The following SELENON variants were observed in gnomAD, a reference collection of about 807,000 sequenced individuals.
The protein encoded by SELENON is selenoprotein N, 1.
Under a neutral mutation model 59.5 loss-of-function variants are expected in SELENON, and 44 were observed. The ratio of observed to expected loss-of-function variants is 0.74; its 90% confidence interval spans 0.58 to 0.95. The LOEUF (loss-of-function observed/expected upper bound fraction) is 0.95, where lower values mean the gene tolerates loss of function less well. Ranked by LOEUF, SELENON falls within the 40% of genes least tolerant of loss-of-function variation. SELENON has a pLI of 0.00. For missense variants in SELENON, 674 were observed against 721.4 expected (o/e 0.93, Z 0.75); for synonymous variants, 320 against 305.6 (o/e 1.05, Z -0.49).
chr1:25,808,674 C>T lies in SELENON; in HGVS notation c.632C>T (p.Pro211Leu), dbSNP rs762788608. ...ACCCGCCACTTCCAGCCCTTCCTTCCCCCGCCAGGCCAGGAGCTGGGTGAG... is the reference window on the plus strand; with the variant it reads ...ACCCGCCACTTCCAGCCCTTCCTTCTCCCGCCAGGCCAGGAGCTGGGTGAG... The change falls in exon 5 of 13, where the codon CCC becomes CTC. Residue 211 changes from proline (P) to leucine (L), a missense_variant. Coordinates refer to ENST00000361547, the MANE Select transcript of SELENON (RefSeq NM_020451.3). 3.1e-6 allele frequency: 5 copies of T among 1,614,032 alleles called. No homozygotes were observed. The African/African-American group carries it at 6.7e-5, about 22-fold the overall frequency.
At chr1:25,811,993 C>A in intron 9 of SELENON, 114 bp downstream of exon 8, 2 of 1,151,474 alleles carry the variant, frequency 1.7e-6, no homozygotes, top group Non-Finnish European at 2.5e-6. Context: ...GCTACTGAGG[C>A]TGTCTCACTG....
At chr1:25,809,597 C>T (rs772270074) in intron 6 of SELENON, 86 bp from the exon 6 acceptor site, 8 of 1,590,486 alleles carry the variant, frequency 5.0e-6, no homozygotes, top group Non-Finnish European at 6.8e-6. Context: ...ACTCAGCCTC[C>T]TCTCCCTGAT....
chr1:25,811,866 A>G lies in SELENON; in HGVS notation c.1268A>G (p.Tyr423Cys). 1.9e-6 allele frequency: 3 copies of G among 1,565,536 alleles called. No individual in the cohort carries two copies. Among genetic ancestry groups the G allele is most frequent in the Non-Finnish European group, 2.6e-6 (3 of 1,155,138 alleles). Residue 423 changes from tyrosine to cysteine, a missense_variant, in exon 9 of 13, where the codon TAC (tyrosine) becomes TGC (cysteine). Transcript: ENST00000361547. Reference sequence around the variant, plus strand: ...GCCCGGCGCCTGGAGGTGGCCATGTACCCCTTCAAGAAGGTGAGGCTGGGC... The same window carrying G: ...GCCCGGCGCCTGGAGGTGGCCATGTGCCCCTTCAAGAAGGTGAGGCTGGGC...
At position 25,800,301 on chromosome 1, in the gene SELENON, C is replaced by A. The variant is rs1484897967; in HGVS notation, c.71C>A (p.Pro24Gln). Reference sequence around the variant, plus strand: ...CCCGCCGCGCAGCCTCCCGCGCCACCGCGCCGCCGCGCCCGTTCCCTGGCG... The same window carrying A: ...CCCGCCGCGCAGCCTCCCGCGCCACAGCGCCGCCGCGCCCGTTCCCTGGCG... Residue 24 changes from proline to glutamine, a missense_variant, in exon 1 of 13, where the codon CCG (proline) becomes CAG (glutamine). Pro to Gln is a moderately conservative substitution (Grantham distance 76). Transcript: ENST00000361547. 2.0e-6 allele frequency: 2 copies of A among 994,056 alleles called. No homozygotes were observed. The highest frequency in any genetic ancestry group is 5.0e-4 in the Middle Eastern group (1 of 1,998). 61.6% of individuals were successfully genotyped at this position (994,056 alleles called of 1,614,324 possible). A position where few individuals can be genotyped will look rare whatever the true frequency, so the allele number is the denominator to read the frequency against.
chr1:25,811,269 C>A lies in SELENON; in HGVS notation c.1011-185C>A, dbSNP rs868419443. Among the ~76,000 whole-genome samples the A allele has an allele frequency of 5.3e-5, 8 of 152,214 alleles. No homozygotes were observed. In the South Asian group the frequency reaches 1.0e-3, roughly 20 times the overall value. On this transcript the variant is annotated intron_variant, in intron 7 of 12. Transcript: ENST00000361547. ...CTCCAGTGCCTTAGGAAGGGGCAGCCTGGTGGGGAAGAGGGCCAGGGCTCT... is the reference window on the plus strand; with the variant it reads ...CTCCAGTGCCTTAGGAAGGGGCAGCATGGTGGGGAAGAGGGCCAGGGCTCT...
intron 9 of SELENON, 25 bp downstream of exon 8, chr1:25,811,904 C>G: frequency 1.3e-6 from 2 of 1,550,704 alleles, no homozygotes; most frequent in Non-Finnish European, 1.7e-6. Context: ...GGGTGAAGGC[C>G]AGGGTCAGGC....
intron 4 of SELENON, among the ~76,000 whole-genome samples, chr1:25,806,074 C>T (rs1411001916): frequency 6.6e-6 from 1 of 152,252 alleles, no homozygotes; most frequent in African/African-American, 2.4e-5. Flanking sequence ...TCTCTGTGCC[C>T]AGCCCACACA....
intron 10 of SELENON, 63 bp from the exon 10 acceptor site, chr1:25,813,818 C>G: frequency 7.5e-7 from 1 of 1,328,958 alleles, no homozygotes; most frequent in Non-Finnish European, 1.1e-6. Context: ...TGAGGTCTCC[C>G]CAAAGCAAGA....
intron 3 of SELENON, among the ~76,000 whole-genome samples, chr1:25,803,176 C>T (rs1400482521): frequency 6.6e-6 from 1 of 152,206 alleles, no homozygotes; most frequent in East Asian, 1.9e-4. Context: ...GTTTTGCATA[C>T]ACTTCTGCGC....
chr1:25,808,922 C>G, intron 5 of SELENON, 104 bp from the exon 5 acceptor site: 1 of 1,588,708 alleles, frequency 6.3e-7, no homozygotes. Context: ...CCTGCCCCCT[C>G]CCCATGGGGC....
chr1:25,802,768 C>T (rs2047871293), intron 3 of SELENON, among the ~76,000 whole-genome samples: 1 of 152,242 alleles, frequency 6.6e-6, no homozygotes, highest in East Asian at 1.9e-4. Context: ...AAACGCTTCT[C>T]TCGCTGCCCC....
intron 8 of SELENON, 50 bp from the exon 8 acceptor site, chr1:25,811,641 G>T (rs185133637): frequency 4.0e-5 from 65 of 1,608,110 alleles, no homozygotes; most frequent in Non-Finnish European, 5.5e-5. Context: ...AGCCCCTGAG[G>T]ATTCTTGCCC....
chr1:25,808,420 T>C (rs1202735939), intron 4 of SELENON, among the ~76,000 whole-genome samples, 160 bp from the exon 4 acceptor site: 1 of 152,148 alleles, frequency 6.6e-6, no homozygotes, highest in Non-Finnish European at 1.5e-5. Flanking sequence ...GGGATATTGC[T>C]AAGCTTGTGG....
At position 25,803,766 on chromosome 1, in the gene SELENON, C is replaced by T. The variant is rs896530636; in HGVS notation, c.404-1376C>T. ...GCTCTGTCACCCAGGCTGGAGTGCT[C>T]GGCTCACTGCAACCTCTGCCTCCCA... On this transcript the variant is annotated intron_variant, in intron 3 of 12. Coordinates refer to ENST00000361547, the MANE Select transcript of SELENON (RefSeq NM_020451.3). Among the ~76,000 whole-genome samples, 10 of 149,872 alleles carry T rather than the reference C, an allele frequency of 6.7e-5. No individual in the cohort carries two copies. In the East Asian group the frequency reaches 1.6e-3, roughly 24 times the overall value.
rs1440606061 is a variant in SELENON, at chr1:25,816,774, C to T, written c.*1056C>T. 6.6e-6 allele frequency: 1 copy of T among 152,548 alleles called. No individual in the cohort carries two copies. The allele number at this position is 152,548 out of a possible 1,614,324, so 9.4% of individuals were successfully genotyped here. A position where few individuals can be genotyped will look rare whatever the true frequency, so the allele number is the denominator to read the frequency against. ...TGGTTTGTAGGTATTTTTTTATAAC[C>T]CCAGTGCTGAGGAGAAAGGAGGGGC... On this transcript the variant is annotated 3_prime_UTR_variant, in exon 13 of 13. Transcript: ENST00000361547.
Position 25,815,776 on chromosome 1 carries a change from C to T in SELENON, c.*58C>T. 1.3e-6 allele frequency: 2 copies of T among 1,579,696 alleles called. No homozygotes were observed. The highest frequency in any genetic ancestry group is 8.6e-7 in the Non-Finnish European group (1 of 1,156,368). On this transcript the variant is annotated 3_prime_UTR_variant, in exon 13 of 13. Coordinates refer to ENST00000361547, the MANE Select transcript of SELENON (RefSeq NM_020451.3). ...CACGCCTCAGAGCCAGAGTGGTCCT[C>T]AGCCCATTTCAGACTGCAGATGCCG...
chr1:25,813,029 G>A (rs2047980297), intron 10 of SELENON, among the ~76,000 whole-genome samples: 1 of 152,184 alleles, frequency 6.6e-6, no homozygotes, highest in African/African-American at 2.4e-5. Flanking sequence ...TGTCAGCTTG[G>A]TAACCTTGAC....
Position 25,809,694 on chromosome 1 carries a change from A to C in SELENON, c.884A>C (p.Glu295Ala). The change falls in exon 7 of 13, where the codon GAG becomes GCG. Residue 295 changes from glutamate (E) to alanine (A), a missense_variant. Glu to Ala is a moderately radical substitution (Grantham distance 107, BLOSUM62 -1). Coordinates refer to ENST00000361547, the MANE Select transcript of SELENON (RefSeq NM_020451.3). ...CCCCTTCCCCACAGGATCCATGCCG[A>C]GTTCCAGCTCAGTGAGCCGCCCGAC... 6.2e-7 allele frequency: 1 copy of C among 1,613,964 alleles called. No individual in the cohort carries two copies. Among genetic ancestry groups the C allele is most frequent in the Non-Finnish European group, 8.5e-7 (1 of 1,180,002 alleles).
rs752908428 is a variant in SELENON at position 25,812,716 on chromosome 1, C to T, written c.1311C>T (p.Phe437=). The change falls in exon 10 of 13, where the codon TTC becomes TTT. Residue 437 remains phenylalanine, a synonymous_variant. Coordinates refer to ENST00000361547, the MANE Select transcript of SELENON (RefSeq NM_020451.3). Reference sequence around the variant, plus strand: ...CCTACTTGCCGTTCACTGAGGCCTTCGACCGAGCCAAGGCTGAGAACAAGC... The same window carrying T: ...CCTACTTGCCGTTCACTGAGGCCTTTGACCGAGCCAAGGCTGAGAACAAGC... 1.7e-5 allele frequency: 27 copies of T among 1,612,552 alleles called. No individual in the cohort carries two copies. The highest frequency in any genetic ancestry group is 2.2e-5 in the South Asian group (2 of 90,812).
Sources: gnomAD v4.1 joint callset for allele counts (sites outside exome capture counted in the v4.1 genomes callset) on GRCh38, gnomAD v4.1.1 for gene constraint, MANE v1.5 for transcripts, NCBI Gene and HGNC (gene_info 2026-07-23, HGNC 2026-07-21) for gene names.